The following TSC22D1 variants were observed in gnomAD, a reference collection of about 807,000 sequenced individuals.
TSC22D1 encodes the protein TSC22 domain family protein 1.
A neutral mutation model predicts 74.2 loss-of-function variants in TSC22D1; 9 were observed. The observed-to-expected ratio is 0.12, with a 90% CI of 0.07 to 0.21. The LOEUF is 0.21. Among genes scored for constraint, TSC22D1 ranks in the 10% least tolerant of loss-of-function variants. The pLI is 1.00. For synonymous variants in TSC22D1, 586 were observed against 492.5 expected, an observed-to-expected ratio of 1.19 and a Z score of -2.51; for missense variants, 1,427 against 1,304.7, an observed-to-expected ratio of 1.09 and a Z score of -1.44.
intron 1 of TSC22D1, among the ~76,000 whole-genome samples, chr13:44,530,755 A>C (rs1481183715): frequency 6.6e-6 from 1 of 152,148 alleles, no homozygotes; most frequent in Non-Finnish European, 1.5e-5. Flanking sequence ...GAAGATGTTC[A>C]ACATCATATA....
intron 1 of TSC22D1, among the ~76,000 whole-genome samples, chr13:44,494,548 A>G (rs994367549): frequency 3.3e-5 from 5 of 151,870 alleles, no homozygotes; most frequent in Non-Finnish European, 7.4e-5. Context: ...ACACAGCGAG[A>G]CCCCATCTCA....
chr13:44,538,078 G>C, intron 1 of TSC22D1: 2 of 985,222 alleles, frequency 2.0e-6, no homozygotes, highest in African/African-American at 3.5e-5. Context: ...TAACTATTTT[G>C]CAACACTTAT....
intron 1 of TSC22D1, among the ~76,000 whole-genome samples, chr13:44,565,958 T>A (rs1405623493): frequency 6.6e-6 from 1 of 152,128 alleles, no homozygotes; most frequent in Non-Finnish European, 1.5e-5. Context: ...AATTTCCACA[T>A]AAGTTTCAAA....
intron 1 of TSC22D1, among the ~76,000 whole-genome samples, chr13:44,466,422 A>G (rs1446315639): frequency 1.3e-5 from 2 of 152,224 alleles, no homozygotes; most frequent in Admixed American, 1.3e-4. Context: ...GTGGGTGGCA[A>G]CAAAAGTTTT....
intron 1 of TSC22D1, among the ~76,000 whole-genome samples, chr13:44,494,148 G>A (rs1239665180): frequency 2.6e-5 from 4 of 151,986 alleles, no homozygotes; most frequent in African/African-American, 4.8e-5. Context: ...AGCCAAGGCA[G>A]GCGGATCACT....
At chr13:44,487,498 C>CAAAAAAAAAAAAAAAAAAAA (rs61034237) in intron 1 of TSC22D1, among the ~76,000 whole-genome samples, 3 of 23,456 alleles carry the variant, frequency 1.3e-4, no homozygotes, top group Non-Finnish European at 1.9e-4. Flanking sequence ...GACTCCATCT[C>CAAAAAAAAAAAAAAAAAAAA]AAAAAAAAAA....
chr13:44,517,751 A>G (rs1880068243), intron 1 of TSC22D1, among the ~76,000 whole-genome samples: 1 of 106,856 alleles, frequency 9.4e-6, no homozygotes, highest in African/African-American at 3.1e-5. Context: ...ATATACGTAT[A>G]TATGTGTGTG....
chr13:44,439,885 C>T (rs924274064), intron 1 of TSC22D1, among the ~76,000 whole-genome samples: 1 of 152,224 alleles, frequency 6.6e-6, no homozygotes, highest in Non-Finnish European at 1.5e-5. Flanking sequence ...ACTTGGCCAA[C>T]ACCGGTACAG....
Position 44,434,532 on chromosome 13 carries a change from G to A in TSC22D1, c.*94C>T, listed in dbSNP as rs1056998573. The A allele has an allele frequency of 1.5e-5, 22 of 1,471,944 alleles. No individual in the cohort carries two copies. Among genetic ancestry groups the A allele is most frequent in the Non-Finnish European group, 1.8e-5 (20 of 1,115,100 alleles). The allele number at this position is 1,471,944 out of a possible 1,614,324, so 91.2% of individuals were successfully genotyped here. A position where few individuals can be genotyped will look rare whatever the true frequency, so the allele number is the denominator to read the frequency against. On this transcript the variant is annotated 3_prime_UTR_variant, in exon 3 of 3. Transcript: ENST00000458659. ...TCACGTCTCTTTCGCAGCGAGCAAT[G>A]AAATGGGTGACTGTGGAGGCAGATT...
At position 44,575,422 on chromosome 13, in the gene TSC22D1, T is replaced by G. The variant is rs764705362; in HGVS notation, c.653A>C (p.His218Pro). Residue 218 changes from histidine to proline, a missense_variant, in exon 1 of 3, where the codon CAC becomes CCC. By Grantham distance (77) the His-to-Pro change is moderately conservative. Coordinates refer to ENST00000458659, the MANE Select transcript of TSC22D1 (RefSeq NM_183422.4). ...NVVINGNAHP[H>P]HLHHHHQIHH... ...AATCTGATGGTGGTGATGGAGGTGG[T>G]GTGGATGAGCATTCCCATTGATCAC... 6.2e-7 allele frequency: 1 copy of G among 1,613,966 alleles called. No individual in the cohort carries two copies. The highest frequency in any genetic ancestry group is 2.2e-5 in the East Asian group (1 of 44,880).
At chr13:44,528,809 T>C (rs138070639) in intron 1 of TSC22D1, among the ~76,000 whole-genome samples, 23 of 152,156 alleles carry the variant, frequency 1.5e-4, no homozygotes, top group Non-Finnish European at 2.7e-4. Context: ...AAAGCATGAC[T>C]ACTGATCCCA....
intron 1 of TSC22D1, among the ~76,000 whole-genome samples, chr13:44,559,749 G>A (rs1882913282): frequency 6.7e-6 from 1 of 149,974 alleles, no homozygotes; most frequent in South Asian, 2.1e-4. Context: ...GGAGTACAGT[G>A]GCGTGATCTC....
intron 1 of TSC22D1, among the ~76,000 whole-genome samples, chr13:44,525,429 C>A (rs1257109472): frequency 6.6e-6 from 1 of 151,928 alleles, no homozygotes; most frequent in Non-Finnish European, 1.5e-5. Context: ...CTACAAAAAT[C>A]AAAAGATAAA....
rs1376573817 is a variant in TSC22D1 at position 44,575,186 on chromosome 13, T to C, written c.889A>G (p.Ser297Gly). 11 of 1,614,100 alleles carry C rather than the reference T, an allele frequency of 6.8e-6. No homozygotes were observed. Among genetic ancestry groups the C allele is most frequent in the Admixed American group, 1.7e-5 (1 of 60,032 alleles). Residue 297 changes from serine (S) to glycine (G), a missense_variant, in exon 1 of 3, where the codon AGT becomes GGT. Ser to Gly is a moderately conservative substitution (Grantham distance 56). Transcript: ENST00000458659. Reference sequence around the variant, plus strand: ...TTTATACCTATTCCACCTGTAGTACTTGGAGCACGCATATTAGTCATTACA... The same window carrying C: ...TTTATACCTATTCCACCTGTAGTACCTGGAGCACGCATATTAGTCATTACA... ...ASVMTNMRAP[S>G]TTGGIGINSV...
At chr13:44,500,124 A>G (rs1417215780) in intron 1 of TSC22D1, among the ~76,000 whole-genome samples, 3 of 151,676 alleles carry the variant, frequency 2.0e-5, no homozygotes, top group Non-Finnish European at 4.4e-5. Context: ...AAAGAAAAAG[A>G]AAAAAGCTCA....
Position 44,573,904 on chromosome 13 carries a change from G to A in TSC22D1, c.2171C>T (p.Pro724Leu), listed in dbSNP as rs751199178. Residue 724 changes from proline to leucine, a missense_variant, in exon 1 of 3, where the codon CCT becomes CTT. By Grantham distance (98) the Pro-to-Leu change is moderately conservative. Transcript: ENST00000458659. ...AATATTTGCAATCTGACTGCCAGTA[G>A]GTACAGCAGACACTGCTGCCGGAGC... ...GQAPAAVSAV[P>L]TGSQIANIGQ... 8 of 1,614,212 alleles carry A rather than the reference G, an allele frequency of 5.0e-6. No homozygotes were observed. In the Admixed American group the frequency reaches 1.0e-4, roughly 20 times the overall value.
intron 1 of TSC22D1, among the ~76,000 whole-genome samples, chr13:44,551,389 G>GGTGGGTGTGTGGGTGTGTGTGTGTGTGT: frequency 8.0e-6 from 1 of 125,252 alleles, no homozygotes; most frequent in Non-Finnish European, 1.7e-5. Flanking sequence ...CAATCAGATG[G>GGTGGGTGTGTGGGTGTGTGTGTGTGTGT]GTGTGTGTGT....
chr13:44,515,039 G>C (rs12869631), intron 1 of TSC22D1, among the ~76,000 whole-genome samples: 2,411 of 152,228 alleles, frequency 0.016, 24 homozygotes, highest in Non-Finnish European at 0.026. Context: ...TAGTGGGAGG[G>C]TAATCTGGTG....
intron 1 of TSC22D1, among the ~76,000 whole-genome samples, chr13:44,526,760 T>C (rs890822171): frequency 2.0e-5 from 3 of 152,166 alleles, no homozygotes; most frequent in Non-Finnish European, 4.4e-5. Flanking sequence ...TGAAAAATCA[T>C]TAAAATAGTA....
Sources: allele counts gnomAD v4.1 joint callset (sites outside exome capture counted in the v4.1 genomes callset), GRCh38; gene constraint gnomAD v4.1.1; transcripts MANE v1.5; gene names NCBI Gene and HGNC (gene_info 2026-07-23, HGNC 2026-07-21).